SIPA1L3: variants seen among roughly 807,000 people sequenced by gnomAD.
SIPA1L3 encodes the protein signal-induced proliferation-associated 1-like protein 3.
A neutral mutation model predicts 150.1 loss-of-function variants in SIPA1L3; 59 were observed. The observed-to-expected ratio is 0.39, with a 90% CI of 0.32 to 0.49. The LOEUF is 0.49. Among genes scored for constraint, SIPA1L3 ranks in the 20% least tolerant of loss-of-function variants. The probability of loss-of-function intolerance (pLI) is 0.86; values close to 1 mark genes in which losing one functional copy is unlikely to be tolerated. For missense variants in SIPA1L3, 2,211 were observed against 2,489.5 expected, an observed-to-expected ratio of 0.89 and a Z score of 2.38; for synonymous variants, 1,070 against 1,077.6, an observed-to-expected ratio of 0.99 and a Z score of 0.14.
chr19:38,081,523 A>G lies in SIPA1L3; in HGVS notation c.-43A>G, dbSNP rs1425213325. 14 of 1,517,852 alleles carry G rather than the reference A, an allele frequency of 9.2e-6. No individual in the cohort carries two copies. The highest frequency in any genetic ancestry group is 1.2e-5 in the Non-Finnish European group (14 of 1,125,412). 94.0% of individuals were successfully genotyped at this position (1,517,852 alleles called of 1,614,324 possible). On this transcript the variant is annotated 5_prime_UTR_variant, in exon 3 of 22. Coordinates refer to ENST00000222345, the MANE Select transcript of SIPA1L3 (RefSeq NM_015073.3). ...GGGCTGGGGGACCCCATAGAGTGAC[A>G]CCACAGCGTACGGGGCCAGCAGCAC...
At chr19:37,909,180 C>T (rs1238037978) in intron 1 of SIPA1L3, among the ~76,000 whole-genome samples, 1 of 152,164 alleles carries the variant, frequency 6.6e-6, no homozygotes, top group African/African-American at 2.4e-5. Flanking sequence ...TTCATTGGCC[C>T]ATATTGGTCT....
chr19:37,926,876 C>G (rs560337936), intron 1 of SIPA1L3, among the ~76,000 whole-genome samples: 2 of 152,048 alleles, frequency 1.3e-5, no homozygotes, highest in African/African-American at 2.4e-5. Flanking sequence ...GACACTGTGC[C>G]GGGCCCTTCA....
chr19:38,082,435 C>T lies in SIPA1L3; in HGVS notation c.870C>T (p.Gly290=). The T allele has an allele frequency of 6.3e-7, 1 of 1,591,070 alleles. No homozygotes were observed. ...KEKARKKPAR[G]LGGGDTVDSS... is the part of the protein sequence containing the mutation. ...AGGCCCGGAAGAAACCTGCGCGGGG[C>T]CTCGGCGGCGGGGACACGGTGGACT... Residue 290 remains glycine (G), a synonymous_variant, in exon 3 of 22, where the codon GGC becomes GGT. Transcript: ENST00000222345.
chr19:38,082,580 A>G lies in SIPA1L3; in HGVS notation c.1015A>G (p.Ser339Gly). The G allele has an allele frequency of 6.2e-7, 1 of 1,604,214 alleles. No homozygotes were observed. Among genetic ancestry groups the G allele is most frequent in the Non-Finnish European group, 8.5e-7 (1 of 1,179,468 alleles). ...EASRPWVCQK[S>G]FAHFDVQSML... ...CAGCAGGCCGTGGGTGTGTCAGAAG[A>G]GCTTCGCCCACTTCGACGTGCAGAG... is the stretch of plus-strand genomic sequence containing the variant. The change falls in exon 3 of 22, where the codon AGC becomes GGC. Residue 339 changes from serine (S) to glycine (G), a missense_variant. Ser to Gly is a moderately conservative substitution (Grantham distance 56). This residue lies in a region of SIPA1L3 where 587 missense variants were observed against 534.5 expected (regional missense o/e 1.10). Coordinates refer to ENST00000222345, the MANE Select transcript of SIPA1L3 (RefSeq NM_015073.3).
chr19:38,021,162 A>G (rs1968364403), intron 1 of SIPA1L3, among the ~76,000 whole-genome samples: 1 of 152,282 alleles, frequency 6.6e-6, no homozygotes, highest in Non-Finnish European at 1.5e-5. Context: ...CAGACTCTCC[A>G]GGGTGGTGGC....
At chr19:37,984,159 G>A (rs1326382011) in intron 1 of SIPA1L3, among the ~76,000 whole-genome samples, 1 of 152,170 alleles carries the variant, frequency 6.6e-6, no homozygotes, top group African/African-American at 2.4e-5. Context: ...TGCGCAGGGC[G>A]GGGCAGCGAG....
At position 38,206,524 on chromosome 19, in the gene SIPA1L3, G is replaced by A. The variant is rs148821638; in HGVS notation, c.*284G>A. On this transcript the variant is annotated 3_prime_UTR_variant, in exon 22 of 22. Coordinates refer to ENST00000222345, the MANE Select transcript of SIPA1L3 (RefSeq NM_015073.3). ...CTTACACCGCTCCCGGGCCTGCCCC[G>A]CTGTCCCCATCTAGCCTCTTCCTGG... The A allele has an allele frequency of 2.4e-5, 8 of 328,408 alleles. No individual in the cohort carries two copies. The highest frequency in any genetic ancestry group is 7.9e-4 in the Middle Eastern group (1 of 1,266). The allele number at this position is 328,408 out of a possible 1,614,324, so 20.3% of individuals were successfully genotyped here. A position where few individuals can be genotyped will look rare whatever the true frequency, so the allele number is the denominator to read the frequency against.
At chr19:38,180,219 A>T (rs1972525833) in intron 15 of SIPA1L3, among the ~76,000 whole-genome samples, 1 of 152,096 alleles carries the variant, frequency 6.6e-6, no homozygotes, top group Non-Finnish European at 1.5e-5. Flanking sequence ...TTTTTCAAGG[A>T]TGGTTTTGCT....
rs71177491 is a variant in SIPA1L3 at position 37,962,463 on chromosome 19, C to CTTTTTTTTTTTTT, written c.-379+55116_-379+55128dup. On this transcript the variant is annotated intron_variant, in intron 1 of 21. Coordinates refer to ENST00000222345, the MANE Select transcript of SIPA1L3 (RefSeq NM_015073.3). ...TTGGCCATGAGCCACTGCAGCCGGC[C>CTTTTTTTTTTTTT]TTTTTTTTTTTTTTTTTTTTTTTGA... 7.8e-4 allele frequency among the ~76,000 whole-genome samples: 57 copies of CTTTTTTTTTTTTT among 73,096 alleles called. 6 individuals carry two copies. The highest frequency in any genetic ancestry group is 1.9e-3 in the East Asian group (3 of 1,606). The allele number at this position is 73,096 out of a possible 152,430, so 48.0% of individuals were successfully genotyped here.
intron 18 of SIPA1L3, among the ~76,000 whole-genome samples, chr19:38,196,651 G>GGGT (rs1972955055): frequency 3.3e-5 from 5 of 151,574 alleles, no homozygotes; most frequent in Admixed American, 2.0e-4. Flanking sequence ...TGGAGGTCAA[G>GGGT]GGAAGAGCAA....
At chr19:38,159,321 G>A (rs533576708) in intron 13 of SIPA1L3, among the ~76,000 whole-genome samples, 2 of 152,366 alleles carry the variant, frequency 1.3e-5, no homozygotes, top group South Asian at 4.1e-4. Context: ...CACCGGAGGT[G>A]GCAGTGTGAT....
chr19:37,996,217 C>T (rs985249216), intron 1 of SIPA1L3, among the ~76,000 whole-genome samples: 1 of 151,942 alleles, frequency 6.6e-6, no homozygotes, highest in Non-Finnish European at 1.5e-5. Flanking sequence ...CGTGAGCCAG[C>T]ACACCCAGCC....
chr19:38,111,024 GTT>G (rs528494849), intron 8 of SIPA1L3, among the ~76,000 whole-genome samples: 61 of 138,232 alleles, frequency 4.4e-4, no homozygotes, highest in Admixed American at 1.1e-3. Context: ...GTTGTTTTGG[GTT>G]TTTTTTTTTT....
intron 10 of SIPA1L3, among the ~76,000 whole-genome samples, chr19:38,136,830 G>A (rs1252704942): frequency 6.6e-6 from 1 of 152,218 alleles, no homozygotes; most frequent in Non-Finnish European, 1.5e-5. Context: ...AGAGCCGGGA[G>A]GAGCTGGGGC....
chr19:38,081,217 G>A (rs892071732), intron 2 of SIPA1L3, 39 bp from the exon 3 acceptor site: 2 of 405,238 alleles, frequency 4.9e-6, no homozygotes, highest in African/African-American at 2.1e-5. Flanking sequence ...GCAGTAACAC[G>A]GCCATCGCAG....
At chr19:38,108,943 C>A (rs778905331) in intron 7 of SIPA1L3, among the ~76,000 whole-genome samples, 1 of 151,900 alleles carries the variant, frequency 6.6e-6, no homozygotes, top group Admixed American at 6.6e-5. Context: ...GAGCCGAGAT[C>A]GCACCATTGC....
At chr19:38,019,155 G>A (rs1968309148) in intron 1 of SIPA1L3, among the ~76,000 whole-genome samples, 1 of 152,212 alleles carries the variant, frequency 6.6e-6, no homozygotes, top group Admixed American at 6.5e-5. Flanking sequence ...TTGGCTGCCA[G>A]TAACAGACAC....
intron 15 of SIPA1L3, among the ~76,000 whole-genome samples, chr19:38,178,086 G>GGTGTGGGT (rs985455686): frequency 3.1e-5 from 4 of 131,012 alleles, no homozygotes; most frequent in African/African-American, 5.9e-5. Context: ...GCAGGCTTTT[G>GGTGTGGGT]GTGTGTGTGT....
At chr19:37,918,004 CAAA>C (rs1002162387) in intron 1 of SIPA1L3, among the ~76,000 whole-genome samples, 2 of 145,628 alleles carry the variant, frequency 1.4e-5, no homozygotes, top group Non-Finnish European at 3.0e-5. Flanking sequence ...GACCCTGTCT[CAAA>C]AAAAAAAGAA....
Sources: allele counts gnomAD v4.1 joint callset (sites outside exome capture counted in the v4.1 genomes callset), GRCh38; gene constraint gnomAD v4.1.1; regional missense constraint gnomAD v4.1.1; transcripts MANE v1.5; gene names NCBI Gene and HGNC (gene_info 2026-07-23, HGNC 2026-07-21).